The following ZSCAN30 variants were observed in gnomAD, a reference collection of about 807,000 sequenced individuals.
ZSCAN30 encodes the protein zinc finger and SCAN domain containing 30.
In ZSCAN30, 37 loss-of-function variants were observed where a neutral mutation model predicts 44.3. The ratio of observed to expected loss-of-function variants is 0.84; its 90% CI spans 0.64 to 1.10. ZSCAN30 has a LOEUF of 1.10. Among genes scored for constraint, ZSCAN30 ranks in the 50% least tolerant of loss-of-function variants. The pLI is 0.00. For synonymous variants in ZSCAN30, 181 were observed against 204.6 expected (o/e 0.88, Z 0.98); for missense variants, 549 against 582.6 (o/e 0.94, Z 0.59).
At chr18:35,281,642 GT>G (rs557520127) in intron 1 of ZSCAN30, 7 of 152,072 alleles carry the variant, frequency 4.6e-5, no homozygotes, top group Non-Finnish European at 7.4e-5. Flanking sequence ...TGGTAAAAAT[GT>G]TTCCTGATTA....
At chr18:35,254,530 G>A in intron 3 of ZSCAN30, 149 bp from the exon 4 acceptor site, 1 of 1,475,484 alleles carries the variant, frequency 6.8e-7, no homozygotes, top group Non-Finnish European at 9.1e-7. Context: ...ATTCAGAGAA[G>A]TGGCCTGGGG....
In ZSCAN30 at chr18:35,253,378, T is replaced by A; in HGVS notation, c.*72A>T. On this transcript the variant is annotated 3_prime_UTR_variant, in exon 4 of 4. Coordinates refer to ENST00000333206, the MANE Select transcript of ZSCAN30 (RefSeq NM_001112734.4). The stretch of plus-strand genomic sequence containing the variant: ...AGAAGTTCTGCTCTCAGGAAACTTT[T>A]CTTTTCTGTGGAGTCTCACCCCTAC... The A allele has an allele frequency of 2.9e-6, 4 of 1,356,184 alleles. No individual in the cohort carries two copies. The highest frequency in any genetic ancestry group is 3.1e-5 in the South Asian group (2 of 64,350). 84.0% of individuals were successfully genotyped at this position (1,356,184 alleles called of 1,614,324 possible).
intron 1 of ZSCAN30, 117 bp from the exon 2 acceptor site, chr18:35,264,572 G>A: frequency 3.9e-6 from 2 of 510,430 alleles, no homozygotes; most frequent in Non-Finnish European, 3.4e-6. Context: ...CTGACTAACA[G>A]GGCACTTCCA....
chr18:35,253,672 A>G lies in ZSCAN30; in HGVS notation c.1263T>C (p.Ala421=), dbSNP rs764947928. 3.7e-6 allele frequency: 6 copies of G among 1,613,920 alleles called. No individual in the cohort carries two copies. The highest frequency in any genetic ancestry group is 5.1e-6 in the Non-Finnish European group (6 of 1,179,992). Residue 421 remains alanine (A), a synonymous_variant, in exon 4 of 4, where the codon GCT becomes GCC. Transcript: ENST00000333206. The part of the protein sequence containing the change: ...KSYECIACGK[A]FGRSSILIEH... Reference sequence around the variant, plus strand: ...CAATAAGGATAGAACTCCTACCAAAAGCCTTACCACATGCAATACATTCAT... The same window carrying G: ...CAATAAGGATAGAACTCCTACCAAAGGCCTTACCACATGCAATACATTCAT...
In ZSCAN30 at chr18:35,253,798, G is replaced by A; in HGVS notation, c.1137C>T (p.His379=). The A allele has an allele frequency of 6.2e-7, 1 of 1,614,192 alleles. No individual in the cohort carries two copies. The highest frequency in any genetic ancestry group is 8.5e-7 in the Non-Finnish European group (1 of 1,180,016). The change falls in exon 4 of 4, where the codon CAC becomes CAT. Residue 379 remains histidine (H), a synonymous_variant. Coordinates refer to ENST00000333206, the MANE Select transcript of ZSCAN30 (RefSeq NM_001112734.4). ...CACATTCATAAGGCTTCTCTCCAGT[G>A]TGGATTCTCCGATGCCTGATGAGCT... The part of the protein sequence containing the change: ...SSELIRHRRI[H]TGEKPYECGE...
At chr18:35,283,324 G>A (rs1039112204) in intron 1 of ZSCAN30, 1 of 152,266 alleles carries the variant, frequency 6.6e-6, no homozygotes, top group African/African-American at 2.4e-5. Context: ...CCAGGAGGTG[G>A]AGGTTGCAAT....
At chr18:35,274,025 CTTT>C (rs2143747596) in intron 1 of ZSCAN30, among the ~76,000 whole-genome samples, 1 of 152,210 alleles carries the variant, frequency 6.6e-6, no homozygotes, top group South Asian at 2.1e-4. Context: ...TACTCCTCTT[CTTT>C]ATTTTTTGAG....
chr18:35,254,511 C>A, intron 3 of ZSCAN30, 130 bp from the exon 4 acceptor site: 1 of 1,522,806 alleles, frequency 6.6e-7, no homozygotes. Context: ...ACTAGATTCC[C>A]AATCTAGAAT....
At chr18:35,267,358 T>G (rs1266937594) in intron 1 of ZSCAN30, 1 of 152,270 alleles carries the variant, frequency 6.6e-6, no homozygotes, top group Non-Finnish European at 1.5e-5. Context: ...GGACCCCAGA[T>G]ACAGCCGAGC....
chr18:35,263,562 C>G lies in ZSCAN30; in HGVS notation c.504G>C (p.Glu168Asp). 1 of 1,614,216 alleles carries G rather than the reference C, an allele frequency of 6.2e-7. No individual in the cohort carries two copies. Among genetic ancestry groups the G allele is most frequent in the Non-Finnish European group, 8.5e-7 (1 of 1,180,050 alleles). The part of the protein sequence containing the change: ...LSLNSPVQPL[E>D]NQCKTETQES... ...CCTGAGTCTCAGTCTTGCACTGGTT[C>G]TCTAAGGGCTGCACCGGGCTATTCA... Residue 168 changes from glutamate to aspartate, a missense_variant, in exon 3 of 4, where the codon GAG becomes GAC. Physicochemically the swap from Glu to Asp is conservative, Grantham distance 45. Transcript: ENST00000333206.
intron 3 of ZSCAN30, 66 bp downstream of exon 3, chr18:35,263,447 T>C: frequency 6.3e-7 from 1 of 1,589,568 alleles, no homozygotes; most frequent in East Asian, 2.3e-5. Flanking sequence ...GTTAAGAAAA[T>C]GAACCGTGCC....
chr18:35,257,804 T>G (rs1283591950), intron 3 of ZSCAN30: 1 of 763,566 alleles, frequency 1.3e-6, no homozygotes, highest in Admixed American at 1.7e-5. Flanking sequence ...AACTCTGCAG[T>G]GCAATTATGC....
intron 1 of ZSCAN30, among the ~76,000 whole-genome samples, chr18:35,286,733 G>T (rs1210387878): frequency 6.6e-6 from 1 of 151,986 alleles, no homozygotes; most frequent in Non-Finnish European, 1.5e-5. Flanking sequence ...TTGGAAAAAA[G>T]ACAAAGATTT....
intron 1 of ZSCAN30, chr18:35,267,456 T>TGCTGGACCGCCCC (rs1393593112): frequency 1.3e-5 from 2 of 149,698 alleles, no homozygotes; most frequent in Non-Finnish European, 3.0e-5. Flanking sequence ...GGGACCGCCC[T>TGCTGGACCGCCCC]GCTGGACCGC....
At chr18:35,273,885 C>T (rs1399599203) in intron 1 of ZSCAN30, among the ~76,000 whole-genome samples, 4 of 152,184 alleles carry the variant, frequency 2.6e-5, no homozygotes, top group Non-Finnish European at 4.4e-5. Context: ...ATCTAATTAT[C>T]CTAACATAAG....
At chr18:35,259,776 A>T (rs554255130) in intron 3 of ZSCAN30, 44 of 154,130 alleles carry the variant, frequency 2.9e-4, no homozygotes, top group African/African-American at 1.0e-3. Context: ...TTAAGATTTT[A>T]AAAAAAGAAA....
Position 35,257,938 on chromosome 18 carries a change from A to G in ZSCAN30, c.554-3557T>C, listed in dbSNP as rs771661392. The G allele has an allele frequency of 3.8e-6, 3 of 781,060 alleles. No individual in the cohort carries two copies. The South Asian group carries it at 4.0e-5, about 10-fold the overall frequency. 48.4% of individuals were successfully genotyped at this position (781,060 alleles called of 1,614,324 possible). On this transcript the variant is annotated intron_variant, in intron 3 of 3. Transcript: ENST00000333206. ...CTCTCTCCATTACAGATTTTTCCTG[A>G]AGAACACATCGTCAATAAATCACCT...
intron 3 of ZSCAN30, chr18:35,257,007 C>G (rs1598611981): frequency 2.0e-5 from 3 of 153,014 alleles, no homozygotes; most frequent in Non-Finnish European, 2.9e-5. Context: ...AACTCCTGGT[C>G]TCAAGCAATC....
At chr18:35,282,163 A>G (rs1196208382) in intron 1 of ZSCAN30, 1 of 152,218 alleles carries the variant, frequency 6.6e-6, no homozygotes, top group Non-Finnish European at 1.5e-5. Flanking sequence ...CTCTCATCTT[A>G]TCATCTAACA....
Sources: gnomAD v4.1 joint callset for allele counts (sites outside exome capture counted in the v4.1 genomes callset) on GRCh38, gnomAD v4.1.1 for gene constraint, MANE v1.5 for transcripts, NCBI Gene and HGNC (gene_info 2026-07-23, HGNC 2026-07-21) for gene names.